SUCLG2: variants seen among roughly 807,000 people sequenced by gnomAD.
SUCLG2 encodes the protein succinate--CoA ligase [GDP-forming] subunit beta, mitochondrial.
In SUCLG2, 42 loss-of-function variants were observed where a neutral mutation model predicts 47.9. That is an observed-to-expected ratio of 0.88 (90% CI 0.69 to 1.14). SUCLG2 has a LOEUF of 1.14. Among genes scored for constraint, SUCLG2 ranks in the 50% most tolerant of loss-of-function variants. The probability of loss-of-function intolerance (pLI) is 0.00; values close to 1 mark genes in which losing one functional copy is unlikely to be tolerated. For synonymous variants in SUCLG2, 195 were observed against 197.3 expected (o/e 0.99, Z 0.10); for missense variants, 571 against 525.9 (o/e 1.09, Z -0.84).
chr3:67,418,993 A>C (rs1034152931), intron 9 of SUCLG2, among the ~76,000 whole-genome samples: 7 of 152,194 alleles, frequency 4.6e-5, no homozygotes, highest in Admixed American at 1.3e-4. Flanking sequence ...ATTTAAAAAA[A>C]AAAAAGGTCT....
At chr3:67,382,957 G>A (rs1433137349) in intron 10 of SUCLG2, among the ~76,000 whole-genome samples, 2 of 152,182 alleles carry the variant, frequency 1.3e-5, no homozygotes, top group African/African-American at 4.8e-5. Flanking sequence ...CAATTAGATA[G>A]AGGAGGTCCA....
At chr3:67,534,499 T>C (rs1464047618) in intron 2 of SUCLG2, among the ~76,000 whole-genome samples, 3 of 151,966 alleles carry the variant, frequency 2.0e-5, no homozygotes, top group African/African-American at 7.2e-5. Context: ...TAAATTAGGC[T>C]ACTCCTCTGA....
chr3:67,480,094 C>G (rs1240303049), intron 9 of SUCLG2, among the ~76,000 whole-genome samples: 3 of 151,884 alleles, frequency 2.0e-5, no homozygotes, highest in African/African-American at 4.8e-5. Context: ...GAGGTGAGCT[C>G]TGGGCCACCA....
intron 7 of SUCLG2, among the ~76,000 whole-genome samples, chr3:67,507,928 G>A (rs996313445): frequency 6.6e-6 from 1 of 152,166 alleles, no homozygotes; most frequent in Non-Finnish European, 1.5e-5. Context: ...AAAAGCTTGT[G>A]AATTTGTGTG....
At chr3:67,619,432 G>A (rs1700690809) in intron 1 of SUCLG2, among the ~76,000 whole-genome samples, 1 of 152,158 alleles carries the variant, frequency 6.6e-6, no homozygotes, top group Non-Finnish European at 1.5e-5. Flanking sequence ...CTTTAACTAG[G>A]CAGTGCTGGT....
intron 2 of SUCLG2, among the ~76,000 whole-genome samples, chr3:67,554,867 A>C (rs1054757766): frequency 4.6e-5 from 7 of 152,172 alleles, no homozygotes; most frequent in Non-Finnish European, 8.8e-5. Flanking sequence ...TCAGTGAAAA[A>C]GTGACAGGTC....
rs1419405901 is a variant in SUCLG2, at chr3:67,552,328, T to C, written c.227-23142A>G. ...TGGCTTCAAGGACAATTCCTTTTAC[T>C]GTCTATTTAACCAAACATTTTTGTG... On this transcript the variant is annotated intron_variant, in intron 2 of 10. Transcript: ENST00000307227. 2.0e-5 allele frequency among the ~76,000 whole-genome samples: 3 copies of C among 151,344 alleles called. No individual in the cohort carries two copies. The East Asian group carries it at 5.8e-4, about 29-fold the overall frequency.
intron 2 of SUCLG2, among the ~76,000 whole-genome samples, chr3:67,541,215 T>C (rs1575765049): frequency 1.3e-5 from 2 of 152,168 alleles, no homozygotes; most frequent in Non-Finnish European, 1.5e-5. Context: ...GTTTGATGAA[T>C]TGACAGAAGT....
intron 9 of SUCLG2, among the ~76,000 whole-genome samples, chr3:67,438,472 T>A (rs1703678641): frequency 6.6e-6 from 1 of 150,456 alleles, no homozygotes; most frequent in Admixed American, 6.6e-5. Context: ...TTTTAAAGAT[T>A]AACAAAATAG....
chr3:67,615,399 C>T (rs1700606852), intron 1 of SUCLG2, among the ~76,000 whole-genome samples: 1 of 151,986 alleles, frequency 6.6e-6, no homozygotes, highest in Non-Finnish European at 1.5e-5. Flanking sequence ...AGCTCGACAC[C>T]CCTGAAAGGG....
intron 9 of SUCLG2, among the ~76,000 whole-genome samples, chr3:67,453,360 C>T (rs534755936): frequency 6.6e-6 from 1 of 152,128 alleles, no homozygotes; most frequent in Non-Finnish European, 1.5e-5. Context: ...CAGGCACCAA[C>T]AGATTTGATG....
At chr3:67,452,399 G>A (rs1286175129) in intron 9 of SUCLG2, among the ~76,000 whole-genome samples, 1 of 152,190 alleles carries the variant, frequency 6.6e-6, no homozygotes, top group African/African-American at 2.4e-5. Context: ...CTTTTACAAA[G>A]ACGAGACTGG....
At chr3:67,619,681 A>G (rs1700698893) in intron 1 of SUCLG2, among the ~76,000 whole-genome samples, 1 of 152,226 alleles carries the variant, frequency 6.6e-6, no homozygotes, top group African/African-American at 2.4e-5. Context: ...GGTTCAGCAG[A>G]AAAGCAGCAT....
chr3:67,416,868 G>C (rs1703049615), intron 9 of SUCLG2, among the ~76,000 whole-genome samples: 1 of 152,120 alleles, frequency 6.6e-6, no homozygotes, highest in Non-Finnish European at 1.5e-5. Context: ...AGTGAATTAA[G>C]GCAAGATCAG....
intron 7 of SUCLG2, among the ~76,000 whole-genome samples, chr3:67,499,422 C>T (rs1430554492): frequency 2.6e-5 from 4 of 152,076 alleles, no homozygotes; most frequent in South Asian, 2.1e-4. Flanking sequence ...TTATAAGACA[C>T]GAAAAGACCA....
chr3:67,441,554 C>T (rs1703764824), intron 9 of SUCLG2, among the ~76,000 whole-genome samples: 1 of 152,120 alleles, frequency 6.6e-6, no homozygotes, highest in Non-Finnish European at 1.5e-5. Context: ...TCATGGGAGA[C>T]CCCTGGCCAG....
At chr3:67,607,610 G>T (rs9811518) in intron 2 of SUCLG2, among the ~76,000 whole-genome samples, 73,930 of 151,820 alleles carry the variant, frequency 0.49, 18,929 homozygotes, top group African/African-American at 0.64. Context: ...GATCTGTAAG[G>T]AGGAAAATGA....
intron 6 of SUCLG2, among the ~76,000 whole-genome samples, chr3:67,516,484 C>A (rs1408638388): frequency 6.6e-6 from 1 of 152,128 alleles, no homozygotes. Flanking sequence ...ACCTCCTGAG[C>A]TTTTAAATAT....
At chr3:67,558,683 C>A (rs1707225943) in intron 2 of SUCLG2, among the ~76,000 whole-genome samples, 1 of 152,196 alleles carries the variant, frequency 6.6e-6, no homozygotes, top group African/African-American at 2.4e-5. Context: ...ATCTGAAACA[C>A]TGGGGCAATC....
Sources: gnomAD v4.1 joint callset for allele counts (sites outside exome capture counted in the v4.1 genomes callset) on GRCh38, gnomAD v4.1.1 for gene constraint, MANE v1.5 for transcripts, NCBI Gene and HGNC (gene_info 2026-07-23, HGNC 2026-07-21) for gene names.